The following TMCC1 variants were observed in gnomAD, a reference collection of about 807,000 sequenced individuals.
The protein encoded by TMCC1 is transmembrane and coiled-coil domain family 1, also known as transmembrane and coiled-coil domains protein 1.
Under a neutral mutation model 52.4 loss-of-function variants are expected in TMCC1, and 15 were observed. The ratio of observed to expected loss-of-function variants is 0.29; its 90% CI spans 0.19 to 0.44. TMCC1 has a LOEUF of 0.44. Among genes scored for constraint, TMCC1 ranks in the 20% least tolerant of loss-of-function variants. The pLI is 1.00. For missense variants in TMCC1, 503 were observed against 806.0 expected, an observed-to-expected ratio of 0.62 and a Z score of 4.55; for synonymous variants, 279 against 301.9, an observed-to-expected ratio of 0.92 and a Z score of 0.79.
At chr3:129,854,090 C>T (rs1024396385) in intron 2 of TMCC1, among the ~76,000 whole-genome samples, 5 of 152,082 alleles carry the variant, frequency 3.3e-5, no homozygotes, top group Admixed American at 1.3e-4. Context: ...GCATTTCAGT[C>T]GAGTGTTCTT....
chr3:129,694,240 T>C (rs993306049), intron 4 of TMCC1, among the ~76,000 whole-genome samples: 1 of 152,250 alleles, frequency 6.6e-6, no homozygotes, highest in African/African-American at 2.4e-5. Context: ...ATCTGAATCC[T>C]TACGAAAACG....
chr3:129,887,627 T>C lies in TMCC1; in HGVS notation c.-435+5867A>G, dbSNP rs1003586063. Among the ~76,000 whole-genome samples the C allele has an allele frequency of 2.0e-5, 3 of 151,530 alleles. No individual in the cohort carries two copies. The East Asian group carries it at 5.8e-4, about 29-fold the overall frequency. On this transcript the variant is annotated intron_variant, in intron 1 of 6. Transcript: ENST00000393238. Reference sequence around the variant, plus strand: ...TCTCCTCCACTCCTTAACAAAATACTGTGAGCATTAAAAAAAAGACCACTC... The same window carrying C: ...TCTCCTCCACTCCTTAACAAAATACCGTGAGCATTAAAAAAAAGACCACTC...
chr3:129,697,509 A>G (rs1306715809), intron 4 of TMCC1, among the ~76,000 whole-genome samples: 18 of 152,138 alleles, frequency 1.2e-4, no homozygotes, highest in Admixed American at 1.1e-3. Flanking sequence ...TGCCCTGGAG[A>G]CATTTTCCCC....
chr3:129,869,020 T>G (rs1577155743), intron 2 of TMCC1: 1 of 152,114 alleles, frequency 6.6e-6, no homozygotes, highest in Admixed American at 6.6e-5. Flanking sequence ...AAGCGCTTTT[T>G]GTTATTCATA....
intron 2 of TMCC1, among the ~76,000 whole-genome samples, chr3:129,842,230 C>T (rs1560528456): frequency 6.6e-6 from 1 of 152,086 alleles, no homozygotes; most frequent in Non-Finnish European, 1.5e-5. Flanking sequence ...CTTTAGGAGG[C>T]TGGGGTGGGC....
At chr3:129,699,178 A>G (rs2047630210) in intron 4 of TMCC1, among the ~76,000 whole-genome samples, 1 of 152,146 alleles carries the variant, frequency 6.6e-6, no homozygotes, top group Non-Finnish European at 1.5e-5. Context: ...TAACACTGAG[A>G]CTTACTGGGC....
At chr3:129,729,209 C>T (rs2050351649) in intron 4 of TMCC1, among the ~76,000 whole-genome samples, 1 of 151,568 alleles carries the variant, frequency 6.6e-6, no homozygotes, top group South Asian at 2.1e-4. Flanking sequence ...TCCAATTGTT[C>T]TCTGCATCCT....
intron 4 of TMCC1, among the ~76,000 whole-genome samples, chr3:129,703,765 A>G (rs1377201807): frequency 6.6e-6 from 1 of 152,222 alleles, no homozygotes; most frequent in African/African-American, 2.4e-5. Context: ...ATAAATGAGG[A>G]GGAGAATTTG....
chr3:129,825,468 C>A (rs924549078), intron 4 of TMCC1, among the ~76,000 whole-genome samples: 1 of 151,758 alleles, frequency 6.6e-6, no homozygotes, highest in Non-Finnish European at 1.5e-5. Flanking sequence ...TAATAGAGAA[C>A]CTGAATCCAT....
chr3:129,757,186 C>G (rs778868512), intron 4 of TMCC1, among the ~76,000 whole-genome samples: 1 of 152,100 alleles, frequency 6.6e-6, no homozygotes, highest in Non-Finnish European at 1.5e-5. Flanking sequence ...TTAACTTAGC[C>G]AATCTACAAT....
At chr3:129,836,930 A>G (rs1320425201) in intron 2 of TMCC1, among the ~76,000 whole-genome samples, 2 of 152,222 alleles carry the variant, frequency 1.3e-5, no homozygotes, top group Non-Finnish European at 2.9e-5. Flanking sequence ...AGAGCAAGCA[A>G]CAATACCAAA....
chr3:129,888,811 T>C (rs1255785334), intron 1 of TMCC1, among the ~76,000 whole-genome samples: 2 of 152,124 alleles, frequency 1.3e-5, no homozygotes, highest in Non-Finnish European at 2.9e-5. Flanking sequence ...TCAAGCCAGA[T>C]GAGCAGGGTT....
intron 4 of TMCC1, among the ~76,000 whole-genome samples, chr3:129,815,551 A>G (rs530647048): frequency 6.6e-6 from 1 of 152,326 alleles, no homozygotes; most frequent in African/African-American, 2.4e-5. Context: ...AACCACCTGC[A>G]GAATGGAACT....
intron 2 of TMCC1, among the ~76,000 whole-genome samples, chr3:129,835,210 C>T (rs1249811141): frequency 3.3e-5 from 5 of 152,040 alleles, no homozygotes; most frequent in African/African-American, 1.2e-4. Flanking sequence ...TCCTAAGGTC[C>T]TTAGTGAAGA....
chr3:129,805,125 C>G (rs2057390554), intron 4 of TMCC1, among the ~76,000 whole-genome samples: 1 of 152,094 alleles, frequency 6.6e-6, no homozygotes, highest in Non-Finnish European at 1.5e-5. Context: ...ATTAAGAAGA[C>G]TAAGCCTTAA....
At chr3:129,803,198 AT>A in intron 4 of TMCC1, among the ~76,000 whole-genome samples, 1 of 152,376 alleles carries the variant, frequency 6.6e-6, no homozygotes, top group South Asian at 2.1e-4. Flanking sequence ...AAGAAAGGAA[AT>A]TCTATTACAT....
At chr3:129,674,433 GACT>G in intron 4 of TMCC1, among the ~76,000 whole-genome samples, 1 of 152,218 alleles carries the variant, frequency 6.6e-6, no homozygotes, top group South Asian at 2.1e-4. Context: ...TGAATCACTG[GACT>G]ACTGGAACTC....
chr3:129,719,848 C>T (rs974561936), intron 4 of TMCC1, among the ~76,000 whole-genome samples: 9 of 151,936 alleles, frequency 5.9e-5, no homozygotes, highest in African/African-American at 1.7e-4. Context: ...TCTCGTATAC[C>T]CTTCCCTTTA....
chr3:129,843,924 A>AC (rs992751548), intron 2 of TMCC1, among the ~76,000 whole-genome samples: 11 of 151,516 alleles, frequency 7.3e-5, no homozygotes, highest in African/African-American at 2.7e-4. Flanking sequence ...AAAAAAAAAA[A>AC]AACAACTCTG....
Sources: allele counts gnomAD v4.1 joint callset (sites outside exome capture counted in the v4.1 genomes callset), GRCh38; gene constraint gnomAD v4.1.1; transcripts MANE v1.5; gene names NCBI Gene and HGNC (gene_info 2026-07-23, HGNC 2026-07-21).